Variants in LMO7 observed in about 807,000 individuals in gnomAD.
The protein encoded by LMO7 is LIM domain only protein 7.
Under a neutral mutation model 206.5 loss-of-function variants are expected in LMO7, and 120 were observed. The ratio of observed to expected loss-of-function variants is 0.58; its 90% CI spans 0.50 to 0.68. The LOEUF (loss-of-function observed/expected upper bound fraction) is 0.68. Ranked by LOEUF, LMO7 falls within the 30% of genes least tolerant of loss-of-function variation. The pLI, the probability that LMO7 is intolerant of heterozygous loss-of-function variation, is 0.00. For missense variants in LMO7, 1,959 were observed against 1,957.9 expected (o/e 1.00, Z -0.01); for synonymous variants, 706 against 681.5 (o/e 1.04, Z -0.56).
At chr13:75,673,474 C>T (rs772526143) in intron 1 of LMO7, among the ~76,000 whole-genome samples, 1 of 152,000 alleles carries the variant, frequency 6.6e-6, no homozygotes. Context: ...CTCTCTTTTC[C>T]TATTTGGATG....
intron 3 of LMO7, among the ~76,000 whole-genome samples, chr13:75,747,481 C>T (rs2046942297): frequency 6.6e-6 from 1 of 152,206 alleles, no homozygotes; most frequent in Non-Finnish European, 1.5e-5. Context: ...TCTATCCACT[C>T]ACTGTATGCT....
chr13:75,649,164 G>C (rs2037324331), intron 1 of LMO7, among the ~76,000 whole-genome samples: 2 of 152,158 alleles, frequency 1.3e-5, no homozygotes, highest in Non-Finnish European at 2.9e-5. Context: ...AGAATTACAA[G>C]ACCTAAGACC....
chr13:75,750,654 C>T (rs1298458479), intron 3 of LMO7, among the ~76,000 whole-genome samples: 1 of 152,104 alleles, frequency 6.6e-6, no homozygotes, highest in Non-Finnish European at 1.5e-5. Context: ...GCCTTGGCCT[C>T]CCAAAGTGCT....
At chr13:75,857,054 C>T (rs1323562) in intron 30 of LMO7, 98,140 of 153,276 alleles carry the variant, frequency 0.64, 31,920 homozygotes, top group Non-Finnish European at 0.69. Flanking sequence ...AATATTGTTC[C>T]ATGTAATACA....
At chr13:75,695,376 T>A (rs2041823176) in intron 1 of LMO7, among the ~76,000 whole-genome samples, 1 of 152,256 alleles carries the variant, frequency 6.6e-6, no homozygotes, top group Non-Finnish European at 1.5e-5. Context: ...TTTATTTTTA[T>A]TTTGAGACGG....
intron 3 of LMO7, among the ~76,000 whole-genome samples, chr13:75,738,954 A>G (rs1594665058): frequency 6.6e-6 from 1 of 152,216 alleles, no homozygotes; most frequent in East Asian, 1.9e-4. Context: ...CACTTTGGCC[A>G]GATAATTCTT....
At chr13:75,840,977 G>A (rs1044631567) in intron 22 of LMO7, 132 bp from the exon 23 acceptor site, 48 of 629,276 alleles carry the variant, frequency 7.6e-5, no homozygotes, top group Middle Eastern at 8.4e-4. Context: ...AATCTGATTG[G>A]CTTATGAAAA....
At chr13:75,760,826 C>T in intron 3 of LMO7, 106 bp from the exon 4 acceptor site, 2 of 1,557,706 alleles carry the variant, frequency 1.3e-6, no homozygotes, top group Non-Finnish European at 1.7e-6. Flanking sequence ...GCCTCTTTTG[C>T]TGACTGTAAT....
chr13:75,703,970 G>A (rs1213532333), intron 1 of LMO7, among the ~76,000 whole-genome samples: 3 of 152,138 alleles, frequency 2.0e-5, no homozygotes, highest in African/African-American at 7.2e-5. Context: ...TGTCAAAGAT[G>A]TTGCATCATA....
chr13:75,838,760 G>A (rs116991824), intron 20 of LMO7, among the ~76,000 whole-genome samples: 13,620 of 152,200 alleles, frequency 0.089, 853 homozygotes, highest in South Asian at 0.2. Flanking sequence ...CTGAGAACAG[G>A]TGCGTTTTGA....
intron 23 of LMO7, 46 bp downstream of exon 23, chr13:75,841,247 T>C (rs2059536789): frequency 8.1e-7 from 1 of 1,234,630 alleles, no homozygotes; most frequent in Non-Finnish European, 1.2e-6. Context: ...CTTTACCTTG[T>C]TGGTGAGATT....
intron 4 of LMO7, among the ~76,000 whole-genome samples, chr13:75,782,243 T>C (rs1405166487): frequency 2.6e-5 from 4 of 152,250 alleles, no homozygotes; most frequent in African/African-American, 9.6e-5. Context: ...TCATAAACTG[T>C]TGGCATTGAT....
intron 1 of LMO7, among the ~76,000 whole-genome samples, chr13:75,694,872 C>T (rs754627609): frequency 1.1e-4 from 17 of 152,062 alleles, no homozygotes; most frequent in Non-Finnish European, 1.5e-4. Flanking sequence ...AAGTTTGAAA[C>T]GTTAGAGGAA....
chr13:75,629,897 A>C (rs1470570301), intron 2 of LMO7, among the ~76,000 whole-genome samples: 1 of 152,178 alleles, frequency 6.6e-6, no homozygotes, highest in Non-Finnish European at 1.5e-5. Flanking sequence ...TTACCAAATC[A>C]GGAAAGGCAG....
intron 26 of LMO7, among the ~76,000 whole-genome samples, chr13:75,848,334 AG>A: frequency 6.6e-6 from 1 of 152,108 alleles, no homozygotes; most frequent in East Asian, 1.9e-4. Flanking sequence ...TCCATTCCTG[AG>A]TTACTTCACT....
intron 1 of LMO7, among the ~76,000 whole-genome samples, chr13:75,661,904 G>T (rs1454014708): frequency 6.6e-6 from 1 of 152,038 alleles, no homozygotes; most frequent in African/African-American, 2.4e-5. Flanking sequence ...TTCTTAAATG[G>T]TCTGCTTTTC....
chr13:75,714,408 C>A (rs1276468841), intron 2 of LMO7, among the ~76,000 whole-genome samples: 1 of 152,110 alleles, frequency 6.6e-6, no homozygotes, highest in African/African-American at 2.4e-5. Flanking sequence ...AGATGATGGG[C>A]ATGTAAATAA....
intron 3 of LMO7, among the ~76,000 whole-genome samples, chr13:75,734,661 A>T (rs1436089764): frequency 6.6e-6 from 1 of 152,214 alleles, no homozygotes; most frequent in African/African-American, 2.4e-5. Context: ...GGAATGAAAA[A>T]TTTTTAATAA....
chr13:75,636,674 A>C lies in LMO7; in HGVS notation c.17A>C (p.Glu6Ala), dbSNP rs755484567. The C allele has an allele frequency of 1.2e-6, 2 of 1,608,242 alleles. No homozygotes were observed. The highest frequency in any genetic ancestry group is 1.7e-6 in the Non-Finnish European group (2 of 1,178,156). The change falls in exon 1 of 31, where the codon GAG becomes GCG. Residue 6 changes from glutamate to alanine, a missense_variant. Physicochemically the swap from Glu to Ala is moderately radical, Grantham distance 107 (BLOSUM62 -1). Coordinates refer to ENST00000377534, the MANE Select transcript of LMO7 (RefSeq NM_001306080.2). Reference protein sequence around the residue: MEGLEEAEANCSVAFA... With the variant: MEGLEAAEANCSVAFA... ...GTCCTAGCCATGGAAGGGCTGGAGGAGGCAGAGGCCAACTGCTCCGTGGCG... is the reference window on the plus strand; with the variant it reads ...GTCCTAGCCATGGAAGGGCTGGAGGCGGCAGAGGCCAACTGCTCCGTGGCG...
Sources: gnomAD v4.1 joint callset for allele counts (sites outside exome capture counted in the v4.1 genomes callset) on GRCh38, gnomAD v4.1.1 for gene constraint, MANE v1.5 for transcripts, NCBI Gene and HGNC (gene_info 2026-07-23, HGNC 2026-07-21) for gene names.